BCAT1: variants seen among roughly 807,000 people sequenced by gnomAD.
BCAT1 encodes branched-chain-amino-acid aminotransferase, cytosolic.
In BCAT1, 48 loss-of-function variants were observed where a neutral mutation model predicts 52.4. That is an observed-to-expected ratio of 0.92 (90% confidence interval 0.73 to 1.16). The LOEUF (loss-of-function observed/expected upper bound fraction) is 1.16, where lower values mean the gene tolerates loss of function less well. BCAT1 is among the 50% of genes most tolerant of loss of function. The pLI is 0.00. For missense variants in BCAT1, 451 were observed against 457.1 expected (o/e 0.99, Z 0.12); for synonymous variants, 167 against 161.3 (o/e 1.04, Z -0.27).
chr12:24,886,514 C>G (rs1480701496), intron 3 of BCAT1, among the ~76,000 whole-genome samples: 1 of 152,158 alleles, frequency 6.6e-6, no homozygotes, highest in African/African-American at 2.4e-5. Context: ...CTTACAAACT[C>G]AAGACAATCA....
intron 10 of BCAT1, among the ~76,000 whole-genome samples, chr12:24,819,261 T>C (rs528622005): frequency 6.6e-6 from 1 of 152,218 alleles, no homozygotes; most frequent in South Asian, 2.1e-4. Context: ...AATCTGTCAC[T>C]ATGGGTTTGC....
chr12:24,933,922 G>C (rs1813470), intron 1 of BCAT1, among the ~76,000 whole-genome samples: 46,237 of 151,908 alleles, frequency 0.3, 8,241 homozygotes, highest in Middle Eastern at 0.52. Flanking sequence ...CACTGGGAAG[G>C]CTGGTCACCC....
intron 5 of BCAT1, among the ~76,000 whole-genome samples, chr12:24,874,239 G>A (rs1942265068): frequency 6.6e-6 from 1 of 152,100 alleles, no homozygotes; most frequent in African/African-American, 2.4e-5. Context: ...ACTTGAACCT[G>A]GGAAGCAGAG....
intron 1 of BCAT1, among the ~76,000 whole-genome samples, chr12:24,925,416 T>G (rs1170118580): frequency 6.6e-6 from 1 of 152,116 alleles, no homozygotes; most frequent in Non-Finnish European, 1.5e-5. Context: ...AATCTCTCTC[T>G]CTCGATCTCT....
chr12:24,942,654 C>T (rs1285950157), intron 1 of BCAT1, among the ~76,000 whole-genome samples: 1 of 152,092 alleles, frequency 6.6e-6, no homozygotes, highest in African/African-American at 2.4e-5. Context: ...CTGGCCTTCT[C>T]CTTTGACAGG....
intron 1 of BCAT1, among the ~76,000 whole-genome samples, chr12:24,939,682 C>T (rs1222683141): frequency 1.3e-5 from 2 of 152,004 alleles, no homozygotes; most frequent in Non-Finnish European, 2.9e-5. Context: ...ACTAAAAATA[C>T]AAAAACTAGC....
intron 8 of BCAT1, among the ~76,000 whole-genome samples, chr12:24,835,348 G>T (rs1010738073): frequency 6.6e-6 from 1 of 151,984 alleles, no homozygotes. Context: ...CCTAGATAAC[G>T]TGTGTGTTTC....
chr12:24,908,900 C>A (rs1008665789), intron 1 of BCAT1, among the ~76,000 whole-genome samples: 2 of 152,146 alleles, frequency 1.3e-5, no homozygotes, highest in Non-Finnish European at 2.9e-5. Flanking sequence ...AATTACTAAC[C>A]TCTTTTGAGT....
intron 5 of BCAT1, among the ~76,000 whole-genome samples, chr12:24,869,858 T>C (rs1180556350): frequency 1.3e-5 from 2 of 152,234 alleles, no homozygotes; most frequent in Non-Finnish European, 2.9e-5. Flanking sequence ...TTTCACTCTT[T>C]TCTTTAAATT....
chr12:24,874,882 C>A (rs1002069356), intron 5 of BCAT1, among the ~76,000 whole-genome samples: 5 of 152,048 alleles, frequency 3.3e-5, no homozygotes, highest in Non-Finnish European at 7.4e-5. Flanking sequence ...AATACAGTAG[C>A]CTAACATAGA....
chr12:24,844,197 G>GT (rs1941262955), intron 6 of BCAT1, among the ~76,000 whole-genome samples: 1 of 151,502 alleles, frequency 6.6e-6, no homozygotes, highest in Non-Finnish European at 1.5e-5. Context: ...GGAGGCTGAG[G>GT]TGGGCAGATC....
At chr12:24,830,331 T>C (rs1940606331) in intron 9 of BCAT1, 1 of 153,176 alleles carries the variant, frequency 6.5e-6, no homozygotes, top group African/African-American at 2.4e-5. Flanking sequence ...CACAGTTTAA[T>C]GCAAGTCATT....
At chr12:24,933,236 C>T (rs1335048606) in intron 1 of BCAT1, among the ~76,000 whole-genome samples, 4 of 146,930 alleles carry the variant, frequency 2.7e-5, no homozygotes, top group East Asian at 2.0e-4. Context: ...CCCAATGTGC[C>T]GAGATTACAG....
chr12:24,877,623 C>G (rs1347563553), intron 5 of BCAT1, among the ~76,000 whole-genome samples: 1 of 152,212 alleles, frequency 6.6e-6, no homozygotes, highest in Non-Finnish European at 1.5e-5. Context: ...AGGGGAACCT[C>G]CATTCTCACT....
chr12:24,848,704 A>C (rs1269569296), intron 6 of BCAT1, among the ~76,000 whole-genome samples: 1 of 152,214 alleles, frequency 6.6e-6, no homozygotes, highest in Non-Finnish European at 1.5e-5. Context: ...AGAAATCAAG[A>C]GTCAAAAAAA....
At chr12:24,878,114 A>G (rs1459558559) in intron 5 of BCAT1, among the ~76,000 whole-genome samples, 3 of 151,452 alleles carry the variant, frequency 2.0e-5, no homozygotes, top group Non-Finnish European at 4.4e-5. Flanking sequence ...TGATTGCATC[A>G]CTGCACCCCA....
chr12:24,902,771 C>G (rs1383103314), intron 1 of BCAT1: 1 of 938,814 alleles, frequency 1.1e-6, no homozygotes, highest in Non-Finnish European at 1.5e-6. Context: ...GGCTGGGACT[C>G]CAGATTTCGG....
chr12:24,856,788 A>G (rs535278994), intron 5 of BCAT1, among the ~76,000 whole-genome samples: 28 of 152,282 alleles, frequency 1.8e-4, no homozygotes, highest in Admixed American at 1.4e-3. Context: ...GAATCCTACA[A>G]ATCTGGTCTT....
At chr12:24,891,779 T>C (rs1305321161) in intron 3 of BCAT1, among the ~76,000 whole-genome samples, 2 of 151,870 alleles carry the variant, frequency 1.3e-5, no homozygotes, top group Non-Finnish European at 2.9e-5. Context: ...GATGGAGTCT[T>C]GCTCTGTCAC....
Sources: allele counts gnomAD v4.1 joint callset (sites outside exome capture counted in the v4.1 genomes callset), GRCh38; gene constraint gnomAD v4.1.1; transcripts MANE v1.5; gene names NCBI Gene and HGNC (gene_info 2026-07-23, HGNC 2026-07-21).